Variants in CRTC3 observed in about 807,000 individuals in gnomAD.
The protein encoded by CRTC3 is CREB regulated transcription coactivator 3, also known as CREB-regulated transcription coactivator 3.
A neutral mutation model predicts 74.5 loss-of-function variants in CRTC3; 26 were observed. The observed-to-expected ratio is 0.35, with a 90% CI of 0.26 to 0.48. The LOEUF (loss-of-function observed/expected upper bound fraction) is 0.48, where lower values mean the gene tolerates loss of function less well. Ranked by LOEUF, CRTC3 falls within the 20% of genes least tolerant of loss-of-function variation. The probability of loss-of-function intolerance (pLI) is 0.99; values close to 1 mark genes in which losing one functional copy is unlikely to be tolerated. For synonymous variants in CRTC3, 377 were observed against 325.8 expected (o/e 1.16, Z -1.69); for missense variants, 760 against 787.3 (o/e 0.97, Z 0.41).
chr15:90,607,343 G>A (rs776013481), intron 5 of CRTC3, 35 bp from the exon 6 acceptor site: 14 of 1,302,590 alleles, frequency 1.1e-5, no homozygotes, highest in African/African-American at 4.4e-5. Context: ...TAAGGAAAAC[G>A]GATTTTCAGC....
chr15:90,539,744 T>C (rs1966773674), intron 1 of CRTC3: 1 of 320,956 alleles, frequency 3.1e-6, no homozygotes, highest in African/African-American at 2.3e-5. Flanking sequence ...GAAATTCTTT[T>C]ATTGTTGTTA....
At position 90,545,753 on chromosome 15, in the gene CRTC3, T is replaced by C. The variant is rs532350847; in HGVS notation, c.231+5616T>C. On this transcript the variant is annotated intron_variant, in intron 2 of 14. Transcript: ENST00000268184. ...CACCACGCCCGGGTAATTTTTTTTG[T>C]ATTTTTAGTAGAGACGGGGTTTCAC... Among the ~76,000 whole-genome samples the C allele has an allele frequency of 3.9e-5, 6 of 151,908 alleles. 1 individual carries two copies. In the South Asian group the frequency reaches 6.2e-4, roughly 16 times the overall value.
chr15:90,634,547 G>A (rs1969162511), intron 11 of CRTC3, among the ~76,000 whole-genome samples: 1 of 152,256 alleles, frequency 6.6e-6, no homozygotes, highest in East Asian at 1.9e-4. Context: ...ACTTCTTCCT[G>A]CACACATCTT....
intron 2 of CRTC3, among the ~76,000 whole-genome samples, chr15:90,581,836 G>C (rs1042399247): frequency 1.3e-5 from 2 of 152,170 alleles, no homozygotes; most frequent in Non-Finnish European, 2.9e-5. Context: ...GTGTGATTCA[G>C]AATGCAGTGG....
In CRTC3 at chr15:90,644,071, T is replaced by C; in HGVS notation, c.*1931T>C. The C allele has an allele frequency of 4.3e-6, 1 of 230,924 alleles. No individual in the cohort carries two copies. Among genetic ancestry groups the C allele is most frequent in the African/African-American group, 2.2e-5 (1 of 45,334 alleles). 14.3% of individuals were successfully genotyped at this position (230,924 alleles called of 1,614,324 possible). A position where few individuals can be genotyped will look rare whatever the true frequency, so the allele number is the denominator to read the frequency against. ...CCTTCCTCTGGAATCCAAGTATTCC[T>C]GTTTCACATTTGCCCCAAATCTTTG... is the stretch of plus-strand genomic sequence containing the variant. On this transcript the variant is annotated 3_prime_UTR_variant, in exon 15 of 15. Transcript: ENST00000268184.
At position 90,598,404 on chromosome 15, in the gene CRTC3, C is replaced by CT. The variant is rs543868031; in HGVS notation, c.352-3918dup. On this transcript the variant is annotated intron_variant, in intron 3 of 14. Coordinates refer to ENST00000268184, the MANE Select transcript of CRTC3 (RefSeq NM_022769.5). ...TATCAGAAGAAGAAGAGCTGCTCCC[C>CT]TTCCTTTGGTGAAGAGTAAGAACTG... The CT allele has an allele frequency of 2.0e-3, 1,431 of 702,874 alleles. 26 individuals are homozygous for CT. The highest frequency in any genetic ancestry group is 0.02 in the South Asian group (1,373 of 67,566). The allele number at this position is 702,874 out of a possible 1,614,324, so 43.5% of individuals were successfully genotyped here.
intron 1 of CRTC3, among the ~76,000 whole-genome samples, chr15:90,535,605 G>C (rs1966706570): frequency 6.6e-6 from 1 of 152,164 alleles, no homozygotes; most frequent in South Asian, 2.1e-4. Flanking sequence ...TATCACCCTG[G>C]AGTGTTGATT....
chr15:90,545,016 C>A (rs1033183416), intron 2 of CRTC3, among the ~76,000 whole-genome samples: 1 of 152,204 alleles, frequency 6.6e-6, no homozygotes, highest in East Asian at 1.9e-4. Context: ...GTTCCCTTCC[C>A]ACCAGCCTCT....
At chr15:90,628,999 CCCT>C (rs1968938667) in intron 10 of CRTC3, among the ~76,000 whole-genome samples, 2 of 152,148 alleles carry the variant, frequency 1.3e-5, no homozygotes, top group Admixed American at 1.3e-4. Flanking sequence ...GACGTGATCT[CCCT>C]CCTCATGGGA....
intron 9 of CRTC3, 131 bp downstream of exon 9, chr15:90,619,921 C>A (rs1596131124): frequency 4.2e-6 from 3 of 706,102 alleles, no homozygotes; most frequent in Non-Finnish European, 2.5e-6. Context: ...ACTGCATTTT[C>A]ATAAAAACAG....
Position 90,638,516 on chromosome 15 carries a change from C to A in CRTC3, c.1337C>A (p.Pro446His), listed in dbSNP as rs1435722385. Residue 446 changes from proline to histidine, a missense_variant, in exon 12 of 15, where the codon CCC becomes CAC. Pro to His is a moderately conservative substitution (Grantham distance 77). Coordinates refer to ENST00000268184, the MANE Select transcript of CRTC3 (RefSeq NM_022769.5). ...TEAQAQVSPP[P>H]PYPAPQELTQ... ...GCTCAAGCCCAGGTGTCGCCGCCAC[C>A]CCCTTACCCTGCACCCCAGGAGCTC... 1 of 1,613,940 alleles carries A rather than the reference C, an allele frequency of 6.2e-7. No homozygotes were observed. Among genetic ancestry groups the A allele is most frequent in the Non-Finnish European group, 8.5e-7 (1 of 1,179,996 alleles).
At chr15:90,586,106 A>T (rs935927989) in intron 2 of CRTC3, among the ~76,000 whole-genome samples, 2 of 152,128 alleles carry the variant, frequency 1.3e-5, no homozygotes, top group African/African-American at 4.8e-5. Context: ...TTCCAGGAAA[A>T]TATGTGTTGC....
chr15:90,605,862 A>C (rs144980016), intron 5 of CRTC3, among the ~76,000 whole-genome samples: 318 of 152,370 alleles, frequency 2.1e-3, no homozygotes, highest in African/African-American at 7.5e-3. Context: ...ATCTCTTGCA[A>C]CCAAAGCTGT....
intron 2 of CRTC3, among the ~76,000 whole-genome samples, chr15:90,572,823 A>C (rs1481745210): frequency 6.6e-6 from 1 of 152,150 alleles, no homozygotes. Context: ...TGATCTGCCC[A>C]CCTTGGCCTC....
In CRTC3 at chr15:90,530,102, A is replaced by T; in HGVS notation, c.31A>T (p.Asn11Tyr). 1 of 1,450,818 alleles carries T rather than the reference A, an allele frequency of 6.9e-7. No individual in the cohort carries two copies. The highest frequency in any genetic ancestry group is 9.2e-7 in the Non-Finnish European group (1 of 1,086,056). The allele number at this position is 1,450,818 out of a possible 1,614,324, so 89.9% of individuals were successfully genotyped here. Residue 11 changes from asparagine to tyrosine, a missense_variant, in exon 1 of 15, where the codon AAC becomes TAC. Asn to Tyr is a moderately radical substitution (Grantham distance 143). This residue lies in a region of CRTC3 where 108 missense variants were observed against 152.1 expected (regional missense o/e 0.71). Coordinates refer to ENST00000268184, the MANE Select transcript of CRTC3 (RefSeq NM_022769.5). This position sits in a 1 kb window ranked among gnomAD's most constrained non-coding sequence, Gnocchi z 6.2. ...CGCCTCGCCGGGCTCGGGCAGCGCC[A>T]ACCCGCGGAAGTTCAGTGAGAAGAT... MAASPGSGSA[N>Y]PRKFSEKIAL... is the part of the protein sequence containing the mutation.
intron 2 of CRTC3, among the ~76,000 whole-genome samples, chr15:90,569,761 G>A (rs1046028826): frequency 1.5e-4 from 22 of 151,528 alleles, no homozygotes; most frequent in Admixed American, 1.3e-3. Flanking sequence ...TTTATTTTTT[G>A]TAGAGACAGA....
chr15:90,628,393 G>T (rs139747439), intron 10 of CRTC3, among the ~76,000 whole-genome samples: 257 of 152,222 alleles, frequency 1.7e-3, no homozygotes, highest in African/African-American at 4.9e-3. Flanking sequence ...AGGTTAAAAC[G>T]TAGGTATTGC....
intron 2 of CRTC3, 148 bp downstream of exon 2, chr15:90,540,285 T>C: frequency 1.7e-6 from 1 of 596,900 alleles, no homozygotes; most frequent in Non-Finnish European, 2.9e-6. Context: ...TTCTCTCTCA[T>C]AGTTTCTACA....
At chr15:90,554,731 C>T (rs563220840) in intron 2 of CRTC3, among the ~76,000 whole-genome samples, 316 of 152,264 alleles carry the variant, frequency 2.1e-3, no homozygotes, top group Non-Finnish European at 3.7e-3. Context: ...AGGATGAAAT[C>T]AGATAATACG....
Sources: allele counts gnomAD v4.1 joint callset (sites outside exome capture counted in the v4.1 genomes callset), GRCh38; gene constraint gnomAD v4.1.1; regional missense constraint gnomAD v4.1.1; non-coding constraint Gnocchi (gnomAD v3.1); transcripts MANE v1.5; gene names NCBI Gene and HGNC (gene_info 2026-07-23, HGNC 2026-07-21).